Variants in KLHL4 observed in about 807,000 individuals in gnomAD.
KLHL4 encodes kelch like family member 4.
In KLHL4, 17 loss-of-function variants were observed where a neutral mutation model predicts 45.8. The observed-to-expected ratio is 0.37, with a 90% CI of 0.25 to 0.56. The LOEUF (loss-of-function observed/expected upper bound fraction) is 0.56, where lower values mean the gene tolerates loss of function less well. Among genes scored for constraint, KLHL4 ranks in the 20% least tolerant of loss-of-function variants. The pLI, the probability that KLHL4 is intolerant of heterozygous loss-of-function variation, is 0.79. For missense variants in KLHL4, 544 were observed against 544.9 expected (o/e 1.00, Z 0.02); for synonymous variants, 224 against 189.9 (o/e 1.18, Z -1.47).
At chrX:87,527,777 A>G (rs1174969508) in intron 1 of KLHL4, among the ~76,000 whole-genome samples, 1 of 107,059 alleles carries the variant, frequency 9.3e-6, no homozygotes, top group Non-Finnish European at 1.9e-5. Flanking sequence ...TCTGTAGGAA[A>G]GAAAGACTCT....
intron 1 of KLHL4, among the ~76,000 whole-genome samples, chrX:87,595,361 C>T (rs187369323): frequency 3.6e-5 from 4 of 112,000 alleles, no homozygotes; most frequent in Admixed American, 1.9e-4. Context: ...GACAATCTAC[C>T]ATGCACAGTA....
At chrX:87,597,964 G>GA (rs1181572664) in intron 1 of KLHL4, among the ~76,000 whole-genome samples, 3 of 100,189 alleles carry the variant, frequency 3.0e-5, no homozygotes, top group African/African-American at 1.1e-4. Flanking sequence ...TTCCAGTGCA[G>GA]AAAAAAAGCA....
chrX:87,619,961 G>T (rs1922694253), intron 4 of KLHL4, among the ~76,000 whole-genome samples: 2 of 111,724 alleles, frequency 1.8e-5, no homozygotes, highest in Non-Finnish European at 3.8e-5. Context: ...GTAATCATGT[G>T]CATTGGTAGA....
At chrX:87,536,458 C>A (rs1478227656) in intron 1 of KLHL4, among the ~76,000 whole-genome samples, 1 of 110,600 alleles carries the variant, frequency 9.0e-6, no homozygotes, top group Non-Finnish European at 1.9e-5. Flanking sequence ...GATAGCTATA[C>A]TGTAGTAAGA....
chrX:87,544,975 T>A (rs1411491839), intron 1 of KLHL4, among the ~76,000 whole-genome samples: 1 of 112,155 alleles, frequency 8.9e-6, no homozygotes, highest in Non-Finnish European at 1.9e-5. Flanking sequence ...CACTAGTGAC[T>A]AAGTCCTGGA....
At chrX:87,566,194 C>CA (rs1381847697) in intron 1 of KLHL4, among the ~76,000 whole-genome samples, 2 of 110,811 alleles carry the variant, frequency 1.8e-5, no homozygotes, top group Non-Finnish European at 3.8e-5. Flanking sequence ...GAAACTCTTC[C>CA]AAAAAATGGA....
chrX:87,607,432 A>T (rs1279362908), intron 1 of KLHL4, among the ~76,000 whole-genome samples: 1 of 111,330 alleles, frequency 9.0e-6, no homozygotes, highest in African/African-American at 3.3e-5. Flanking sequence ...TAACTTTCAC[A>T]CATACCTAAT....
Position 87,530,733 on chromosome X carries a change from G to C in KLHL4, c.422+12418G>C, listed in dbSNP as rs770756747. Among the ~76,000 whole-genome samples the C allele has an allele frequency of 1.2e-4, 12 of 101,496 alleles. No individual in the cohort carries two copies. In the Admixed American group the frequency reaches 1.2e-3, roughly 10 times the overall value. The allele number at this position is 101,496 out of a possible 115,157, so 88.1% of individuals were successfully genotyped here. A position where few individuals can be genotyped will look rare whatever the true frequency, so the allele number is the denominator to read the frequency against. On this transcript the variant is annotated intron_variant, in intron 1 of 10. Coordinates refer to ENST00000373119, the MANE Select transcript of KLHL4 (RefSeq NM_019117.5). ...GTGAATAATGCCGCAATAAACATAC[G>C]TGTGCATGTGTCTTTATAGCAGCAT...
At chrX:87,564,252 AT>A in intron 1 of KLHL4, among the ~76,000 whole-genome samples, 1 of 69,167 alleles carries the variant, frequency 1.4e-5, no homozygotes, top group Non-Finnish European at 2.6e-5. Context: ...AGATATATGT[AT>A]TATGATAATA....
At position 87,593,774 on chromosome X, in the gene KLHL4, A is replaced by G. The variant is rs914037032; in HGVS notation, c.423-20103A>G. Among the ~76,000 whole-genome samples the G allele has an allele frequency of 4.5e-5, 5 of 111,530 alleles. No homozygotes were observed. In the East Asian group the frequency reaches 1.4e-3, roughly 31 times the overall value. On this transcript the variant is annotated intron_variant, in intron 1 of 10. Coordinates refer to ENST00000373119, the MANE Select transcript of KLHL4 (RefSeq NM_019117.5). Reference sequence around the variant, plus strand: ...CCATGTCCACAACTGTAGTTCTCCAAAATTAATGTTCACATTGCTCCCTGT... The same window carrying G: ...CCATGTCCACAACTGTAGTTCTCCAGAATTAATGTTCACATTGCTCCCTGT...
intron 9 of KLHL4, among the ~76,000 whole-genome samples, chrX:87,648,638 A>C (rs779230993): frequency 9.2e-6 from 1 of 109,126 alleles, no homozygotes; most frequent in African/African-American, 3.5e-5. Context: ...AGAAGAGTCT[A>C]AAGAAAAAGG....
At chrX:87,623,362 C>T (rs60671849) in intron 5 of KLHL4, among the ~76,000 whole-genome samples, 1,026 of 88,957 alleles carry the variant, frequency 0.012, 13 homozygotes, top group African/African-American at 0.044. Flanking sequence ...GGGGCTATCT[C>T]GGCTCACGGC....
intron 1 of KLHL4, among the ~76,000 whole-genome samples, chrX:87,609,224 G>T (rs1922294387): frequency 8.9e-6 from 1 of 112,086 alleles, no homozygotes; most frequent in Non-Finnish European, 1.9e-5. Flanking sequence ...AAACATATGT[G>T]TGCATGTGTC....
chrX:87,639,828 C>G (rs1478471349), intron 9 of KLHL4, among the ~76,000 whole-genome samples: 3 of 107,615 alleles, frequency 2.8e-5, no homozygotes, highest in Non-Finnish European at 5.8e-5. Flanking sequence ...ACAAACCCAG[C>G]AGAAGAAAAG....
rs1351511056 is a variant in KLHL4, at chrX:87,517,997, G to A, written c.104G>A (p.Cys35Tyr). The change falls in exon 1 of 11, where the codon TGT becomes TAT. Residue 35 changes from cysteine to tyrosine, a missense_variant. Cys to Tyr is a radical substitution (Grantham distance 194). Transcript: ENST00000373119. ...PFQGSTNTGS[C>Y]LQQEGYEHRG... is the part of the protein sequence containing the mutation. ...CAAGGTTCCACCAACACTGGAAGCTGTCTTCAGCAGGAAGGATATGAGCAT... is the reference window on the plus strand; with the variant it reads ...CAAGGTTCCACCAACACTGGAAGCTATCTTCAGCAGGAAGGATATGAGCAT... The A allele has an allele frequency of 1.7e-6, 2 of 1,211,570 alleles. No individual in the cohort carries two copies. Among genetic ancestry groups the A allele is most frequent in the African/African-American group, 3.5e-5 (2 of 57,767 alleles).
At position 87,667,860 on chromosome X, in the gene KLHL4, A is replaced by G; in HGVS notation, c.*1326A>G. 1.5e-6 allele frequency: 1 copy of G among 675,737 alleles called. No homozygotes were observed. The highest frequency in any genetic ancestry group is 2.4e-5 in the African/African-American group (1 of 42,287). The allele number at this position is 675,737 out of a possible 1,213,427, so 55.7% of individuals were successfully genotyped here. ...ATACTACTAGCTTTTAAGTTTTAAG[A>G]AAGAAGAACGTAAGTTGTACAAAGA... On this transcript the variant is annotated 3_prime_UTR_variant, in exon 11 of 11. Coordinates refer to ENST00000373119, the MANE Select transcript of KLHL4 (RefSeq NM_019117.5).
chrX:87,637,594 T>G (rs758986138), intron 9 of KLHL4, among the ~76,000 whole-genome samples: 1 of 110,728 alleles, frequency 9.0e-6, no homozygotes, highest in Non-Finnish European at 1.9e-5. Context: ...AATAAATAAA[T>G]AAATAAAATC....
chrX:87,553,766 T>A (rs1012642234), intron 1 of KLHL4, among the ~76,000 whole-genome samples: 1 of 111,432 alleles, frequency 9.0e-6, no homozygotes, highest in Non-Finnish European at 1.9e-5. Flanking sequence ...AAATGACAAC[T>A]TTTGTTTTTA....
intron 1 of KLHL4, among the ~76,000 whole-genome samples, chrX:87,580,744 A>T (rs1266131383): frequency 8.9e-6 from 1 of 112,562 alleles, no homozygotes; most frequent in East Asian, 2.8e-4. Context: ...AGGGAAATAG[A>T]TAGCAATACA....
Sources: allele counts gnomAD v4.1 joint callset (sites outside exome capture counted in the v4.1 genomes callset), GRCh38; gene constraint gnomAD v4.1.1; transcripts MANE v1.5; gene names NCBI Gene and HGNC (gene_info 2026-07-23, HGNC 2026-07-21).